CACNA1A: variants seen among roughly 807,000 people sequenced by gnomAD.
CACNA1A encodes voltage-dependent P/Q-type calcium channel subunit alpha-1A.
CACNA1A carries 57 observed loss-of-function variants against 262.4 expected under a neutral mutation model. The ratio of observed to expected loss-of-function variants is 0.22; its 90% CI spans 0.18 to 0.27. The LOEUF (loss-of-function observed/expected upper bound fraction) is 0.27, where lower values mean the gene tolerates loss of function less well. Ranked by LOEUF, CACNA1A falls within the 10% of genes least tolerant of loss-of-function variation. CACNA1A has a pLI of 1.00. For missense variants in CACNA1A, 2,526 were observed against 3,562.8 expected (o/e 0.71, Z 7.41); for synonymous variants, 1,431 against 1,419.3 (o/e 1.01, Z -0.18).
rs1340632057 is a variant in CACNA1A at position 13,411,956 on chromosome 19, C to A, written c.540-40177G>T. On this transcript the variant is annotated intron_variant, in intron 3 of 46. Coordinates refer to ENST00000360228, the MANE Select transcript of CACNA1A (RefSeq NM_001127222.2). Reference sequence around the variant, plus strand: ...GTGTCAAACTCCTGGGCTCAAGCGGCCTTCCCCACTTGGCCTCCTAAAGTG... The same window carrying A: ...GTGTCAAACTCCTGGGCTCAAGCGGACTTCCCCACTTGGCCTCCTAAAGTG... Among the ~76,000 whole-genome samples, 3 of 145,240 alleles carry A rather than the reference C, an allele frequency of 2.1e-5. No homozygotes were observed. In the East Asian group the frequency reaches 6.4e-4, roughly 31 times the overall value.
Position 13,207,620 on chromosome 19 carries a change from C to T in CACNA1A, c.7214G>A (p.Arg2405Gln), listed in dbSNP as rs1568416081. ...PHVSEGPPGP[R>Q]HHGYYRGSDY... The stretch of plus-strand genomic sequence containing the variant: ...GGAGCCCCGGTAGTAGCCATGGTGC[C>T]GGGGACCCGGGGGCCCCTCGGACAC... The change falls in exon 47 of 47, where the codon CGG becomes CAG. Residue 2405 changes from arginine (R) to glutamine (Q), a missense_variant. Arg to Gln is a conservative substitution (Grantham distance 43, BLOSUM62 1). Transcript: ENST00000360228. The surrounding 1 kb of genome is among the most constrained non-coding windows in gnomAD (Gnocchi z 5.7). The T allele has an allele frequency of 3.4e-6, 5 of 1,479,142 alleles. No individual in the cohort carries two copies. The highest frequency in any genetic ancestry group is 1.3e-5 in the South Asian group (1 of 78,944). 91.6% of individuals were successfully genotyped at this position (1,479,142 alleles called of 1,614,324 possible).
chr19:13,300,515 G>C, intron 18 of CACNA1A, 35 bp downstream of exon 18: 1 of 1,432,536 alleles, frequency 7.0e-7, no homozygotes, highest in Middle Eastern at 1.8e-4. Flanking sequence ...ACGTTCAGGA[G>C]CCAGGGTAGC....
intron 3 of CACNA1A, among the ~76,000 whole-genome samples, chr19:13,399,167 T>C (rs2059857496): frequency 6.6e-6 from 1 of 152,116 alleles, no homozygotes; most frequent in Non-Finnish European, 1.5e-5. Flanking sequence ...GAATGAGCCA[T>C]AGTTTAATTC....
intron 36 of CACNA1A, 85 bp downstream of exon 36, chr19:13,229,997 C>T: frequency 6.7e-7 from 1 of 1,493,478 alleles, no homozygotes; most frequent in African/African-American, 1.4e-5. Context: ...TTCAGTGCTC[C>T]AGAGTCTGGG....
At chr19:13,367,024 G>T (rs1391490958) in intron 4 of CACNA1A, among the ~76,000 whole-genome samples, 1 of 152,210 alleles carries the variant, frequency 6.6e-6, no homozygotes, top group African/African-American at 2.4e-5. Flanking sequence ...GGGCGCGGCG[G>T]CGGTTCACGC....
rs2055597995 is a variant in CACNA1A at position 13,229,809 on chromosome 19, TAGG to T, written c.5528+270_5528+272del. Reference sequence around the variant, plus strand: ...CACAGTGAGAGACAGGAGAGACTCGTAGGAGGAGAGGGCTCTTCAGGACATCTC... The same window carrying T: ...CACAGTGAGAGACAGGAGAGACTCGTAGGAGAGGGCTCTTCAGGACATCTC... On this transcript the variant is annotated intron_variant, in intron 36 of 46. Coordinates refer to ENST00000360228, the MANE Select transcript of CACNA1A (RefSeq NM_001127222.2). 4 of 330,924 alleles carry T rather than the reference TAGG, an allele frequency of 1.2e-5. No individual in the cohort carries two copies. The South Asian group carries it at 3.8e-4, about 31-fold the overall frequency. The allele number at this position is 330,924 out of a possible 1,614,324, so 20.5% of individuals were successfully genotyped here.
chr19:13,495,930 C>T (rs1402547106), intron 1 of CACNA1A, among the ~76,000 whole-genome samples: 1 of 152,122 alleles, frequency 6.6e-6, no homozygotes, highest in African/African-American at 2.4e-5. Context: ...TCCACCCACC[C>T]ATCGAGTCAT....
At chr19:13,345,231 G>A (rs1016361241) in intron 6 of CACNA1A, among the ~76,000 whole-genome samples, 1 of 152,202 alleles carries the variant, frequency 6.6e-6, no homozygotes, top group African/African-American at 2.4e-5. Flanking sequence ...CCATCTCTGT[G>A]CCTGGTGGAT....
At chr19:13,467,512 C>T (rs1260550814) in intron 1 of CACNA1A, among the ~76,000 whole-genome samples, 2 of 152,064 alleles carry the variant, frequency 1.3e-5, no homozygotes, top group South Asian at 2.1e-4. Flanking sequence ...TCTCACCATA[C>T]ATCCTTGTGC....
intron 6 of CACNA1A, among the ~76,000 whole-genome samples, chr19:13,341,890 T>G (rs2058682057): frequency 6.6e-6 from 1 of 152,222 alleles, no homozygotes; most frequent in Non-Finnish European, 1.5e-5. Context: ...GCTGTATTCC[T>G]GTATTCCCAG....
chr19:13,463,763 A>G (rs186359412), intron 1 of CACNA1A, among the ~76,000 whole-genome samples: 2 of 152,288 alleles, frequency 1.3e-5, no homozygotes, highest in East Asian at 3.9e-4. Context: ...AATGTCCAAC[A>G]CTTTGGTTCT....
intron 30 of CACNA1A, among the ~76,000 whole-genome samples, chr19:13,248,343 A>C (rs1034043184): frequency 1.4e-5 from 2 of 145,618 alleles, no homozygotes; most frequent in Non-Finnish European, 1.5e-5. Flanking sequence ...TGGGAGGCCA[A>C]GGAGGGAGAA....
chr19:13,401,942 G>A (rs997559848), intron 3 of CACNA1A, among the ~76,000 whole-genome samples: 4 of 152,180 alleles, frequency 2.6e-5, no homozygotes, highest in Admixed American at 2.0e-4. Context: ...CTCCCAAAGT[G>A]CTAGAATTAC....
chr19:13,207,824 C>T lies in CACNA1A; in HGVS notation c.7010G>A (p.Gly2337Asp), dbSNP rs774686258. 23 of 1,462,580 alleles carry T rather than the reference C, an allele frequency of 1.6e-5. No individual in the cohort carries two copies. The highest frequency in any genetic ancestry group is 4.8e-4 in the Middle Eastern group (2 of 4,132). 90.6% of individuals were successfully genotyped at this position (1,462,580 alleles called of 1,614,324 possible). A position where few individuals can be genotyped will look rare whatever the true frequency, so the allele number is the denominator to read the frequency against. ...CGTGGGGCCTGGGTACCTCCGAGGG[C>T]CGCTGGTGGCCGCCCGGCCCGGCCT... ...VARPGRAATS[G>D]PRRYPGPTAE... The change falls in exon 47 of 47, where the codon GGC becomes GAC. Residue 2337 changes from glycine to aspartate, a missense_variant. Gly to Asp is a moderately conservative substitution (Grantham distance 94). This residue lies in a region of CACNA1A where 929 missense variants were observed against 868.1 expected (regional missense o/e 1.07). Transcript: ENST00000360228. The surrounding 1 kb of genome is among the most constrained non-coding windows in gnomAD (Gnocchi z 5.7).
At chr19:13,331,647 A>G (rs571460329) in intron 9 of CACNA1A, among the ~76,000 whole-genome samples, 2 of 151,754 alleles carry the variant, frequency 1.3e-5, no homozygotes, top group South Asian at 4.2e-4. Context: ...TATTGCAGAC[A>G]TATTATTCTG....
In CACNA1A at chr19:13,209,459, C is replaced by G. The variant is rs368183370; in HGVS notation, c.6379G>C (p.Val2127Leu). 1.5e-6 allele frequency: 2 copies of G among 1,363,176 alleles called. No individual in the cohort carries two copies. The highest frequency in any genetic ancestry group is 1.9e-6 in the Non-Finnish European group (2 of 1,052,534). The allele number at this position is 1,363,176 out of a possible 1,614,324, so 84.4% of individuals were successfully genotyped here. Residue 2127 changes from valine to leucine, a missense_variant, in exon 45 of 47, where the codon GTG becomes CTG. Transcript: ENST00000360228. ...AGGCGTCGGGCCTTGGGGCCCAGCACGGAGGCTGAACGCTTCATGGGGCTG... is the reference window on the plus strand; with the variant it reads ...AGGCGTCGGGCCTTGGGGCCCAGCAGGGAGGCTGAACGCTTCATGGGGCTG... ...DTSPMKRSAS[V>L]LGPKARRLDD...
At chr19:13,481,947 C>T (rs1979372524) in intron 1 of CACNA1A, among the ~76,000 whole-genome samples, 1 of 151,988 alleles carries the variant, frequency 6.6e-6, no homozygotes, top group African/African-American at 2.4e-5. Flanking sequence ...TGCAGAGACC[C>T]CCACTATCTC....
At chr19:13,334,334 G>C (rs1182913746) in intron 8 of CACNA1A, 44 bp downstream of exon 8, 2 of 1,012,164 alleles carry the variant, frequency 2.0e-6, no homozygotes, top group African/African-American at 3.1e-5. Flanking sequence ...GTACTCCGTG[G>C]CCTGGGATCT....
At chr19:13,411,810 C>T (rs533567331) in intron 3 of CACNA1A, among the ~76,000 whole-genome samples, 2 of 152,084 alleles carry the variant, frequency 1.3e-5, no homozygotes, top group Admixed American at 1.3e-4. Context: ...TTTCTGGGCT[C>T]AAATGATCCT....
Sources: gnomAD v4.1 joint callset for allele counts (sites outside exome capture counted in the v4.1 genomes callset) on GRCh38, gnomAD v4.1.1 for gene constraint, gnomAD v4.1.1 regional missense constraint, Gnocchi (gnomAD v3.1) non-coding constraint, MANE v1.5 for transcripts, NCBI Gene and HGNC (gene_info 2026-07-23, HGNC 2026-07-21) for gene names.